ARHGAP42: variants seen among roughly 807,000 people sequenced by gnomAD.
The protein encoded by ARHGAP42 is Rho GTPase activating protein 42.
Under a neutral mutation model 125.0 loss-of-function variants are expected in ARHGAP42, and 63 were observed. The ratio of observed to expected loss-of-function variants is 0.50; its 90% CI spans 0.41 to 0.62. The LOEUF (loss-of-function observed/expected upper bound fraction) is 0.62, where lower values mean the gene tolerates loss of function less well. ARHGAP42 is among the 20% of genes least tolerant of loss of function. The pLI is 0.00. For missense variants in ARHGAP42, 766 were observed against 1,024.2 expected, an observed-to-expected ratio of 0.75 and a Z score of 3.44; for synonymous variants, 339 against 351.0, an observed-to-expected ratio of 0.97 and a Z score of 0.38.
intron 3 of ARHGAP42, among the ~76,000 whole-genome samples, chr11:100,809,115 C>G (rs1259893089): frequency 6.6e-6 from 1 of 152,224 alleles, no homozygotes; most frequent in African/African-American, 2.4e-5. Flanking sequence ...TTATCTTTGC[C>G]TCTCATTTGC....
chr11:100,802,378 C>A (rs1863876414), intron 3 of ARHGAP42, among the ~76,000 whole-genome samples: 1 of 151,766 alleles, frequency 6.6e-6, no homozygotes, highest in Non-Finnish European at 1.5e-5. Context: ...ATAGTGCCTC[C>A]CCTTAAATCC....
intron 1 of ARHGAP42, among the ~76,000 whole-genome samples, chr11:100,754,505 A>C (rs1862529073): frequency 6.6e-6 from 1 of 152,230 alleles, no homozygotes; most frequent in Admixed American, 6.5e-5. Context: ...TACTTGTAGA[A>C]AATAAACTTC....
chr11:100,830,831 T>C (rs1290528806), intron 3 of ARHGAP42, among the ~76,000 whole-genome samples: 1 of 152,114 alleles, frequency 6.6e-6, no homozygotes, highest in Non-Finnish European at 1.5e-5. Context: ...GTCAATAGCC[T>C]GCTTTGAGAA....
chr11:100,694,465 G>A (rs1861241771), intron 1 of ARHGAP42, among the ~76,000 whole-genome samples: 2 of 152,256 alleles, frequency 1.3e-5, no homozygotes, highest in East Asian at 1.9e-4. Flanking sequence ...GATTTCTTGC[G>A]AGAGCTGTGA....
At chr11:100,739,977 G>C (rs955999051) in intron 1 of ARHGAP42, among the ~76,000 whole-genome samples, 1 of 151,832 alleles carries the variant, frequency 6.6e-6, no homozygotes, top group Non-Finnish European at 1.5e-5. Context: ...AAAAAATTTT[G>C]TGTGTGATTT....
intron 12 of ARHGAP42, among the ~76,000 whole-genome samples, chr11:100,956,900 C>T (rs1340128790): frequency 6.6e-6 from 1 of 152,038 alleles, no homozygotes; most frequent in African/African-American, 2.4e-5. Flanking sequence ...ACACTTGTGG[C>T]TGACAGTCCC....
intron 3 of ARHGAP42, among the ~76,000 whole-genome samples, chr11:100,831,789 G>C (rs749498875): frequency 1.3e-5 from 2 of 152,184 alleles, no homozygotes; most frequent in African/African-American, 2.4e-5. Flanking sequence ...AATATACCAA[G>C]AGTTAATTTG....
At chr11:100,859,355 T>G in intron 3 of ARHGAP42, 199 bp from the exon 4 acceptor site, 1 of 439,270 alleles carries the variant, frequency 2.3e-6, no homozygotes, top group Non-Finnish European at 4.0e-6. Flanking sequence ...TTCACATTGT[T>G]GTTAGGATCA....
chr11:100,702,124 A>T (rs2120206796), intron 1 of ARHGAP42, among the ~76,000 whole-genome samples: 1 of 152,280 alleles, frequency 6.6e-6, no homozygotes, highest in South Asian at 2.1e-4. Flanking sequence ...GTCTCAAAAA[A>T]AAAATAATAA....
At chr11:100,888,108 G>A (rs1866136038) in intron 4 of ARHGAP42, among the ~76,000 whole-genome samples, 1 of 152,132 alleles carries the variant, frequency 6.6e-6, no homozygotes, top group South Asian at 2.1e-4. Context: ...CTTCATGGTG[G>A]AAGGCTACAT....
Position 100,974,578 on chromosome 11 carries a change from T to C in ARHGAP42, c.1830T>C (p.Tyr610=), listed in dbSNP as rs1376113843. Residue 610 remains tyrosine (Y), a synonymous_variant, in exon 19 of 24, where the codon TAT becomes TAC. Transcript: ENST00000298815. ...STGSRKPRGR[Y]TPCLAEPDSD... ...GGTCTAGGAAGCCCAGAGGGAGGTA[T>C]ACTCCATGCCTGGCCGAACCTGATA... 1.3e-6 allele frequency: 2 copies of C among 1,550,978 alleles called. No homozygotes were observed. Among genetic ancestry groups the C allele is most frequent in the Admixed American group, 3.9e-5 (2 of 50,978 alleles).
At chr11:100,911,517 A>C (rs1866916723) in intron 4 of ARHGAP42, among the ~76,000 whole-genome samples, 1 of 152,148 alleles carries the variant, frequency 6.6e-6, no homozygotes, top group Admixed American at 6.5e-5. Context: ...ATGAGCATTT[A>C]TGTCAGAGGG....
chr11:100,692,370 T>C (rs1239359375), intron 1 of ARHGAP42, among the ~76,000 whole-genome samples: 1 of 152,194 alleles, frequency 6.6e-6, no homozygotes, highest in Non-Finnish European at 1.5e-5. Flanking sequence ...AAAACAATAT[T>C]GTGAAACCAG....
At position 100,770,365 on chromosome 11, in the gene ARHGAP42, A is replaced by T. The variant is rs1027051371; in HGVS notation, c.177A>T (p.Lys59Asn). Reference sequence around the variant, plus strand: ...CAGATCTGTCTATGGCAGTGCAGAAATTTTCCCAGTCATTGCAAGATTTCC... The same window carrying T: ...CAGATCTGTCTATGGCAGTGCAGAATTTTTCCCAGTCATTGCAAGATTTCC... ...ALRNLSMAVQKFSQSLQDFQF... is the reference protein window; with the variant it reads ...ALRNLSMAVQNFSQSLQDFQF... The change falls in exon 2 of 24, where the codon AAA becomes AAT. Residue 59 changes from lysine (K) to asparagine (N), a missense_variant. Coordinates refer to ENST00000298815, the MANE Select transcript of ARHGAP42 (RefSeq NM_152432.4). 6.5e-7 allele frequency: 1 copy of T among 1,550,016 alleles called. No homozygotes were observed. The highest frequency in any genetic ancestry group is 8.7e-7 in the Non-Finnish European group (1 of 1,146,616).
chr11:100,725,883 C>G lies in ARHGAP42; in HGVS notation c.154+38051C>G, dbSNP rs1027569759. On this transcript the variant is annotated intron_variant, in intron 1 of 23. Transcript: ENST00000298815. ...CCGGGAGGCGGAGCTTGCAATGAGC[C>G]GAGATCGCGCCACTGATCTCCAGCC... Among the ~76,000 whole-genome samples the G allele has an allele frequency of 8.3e-5, 12 of 144,806 alleles. No individual in the cohort carries two copies. In the South Asian group the frequency reaches 2.6e-3, roughly 31 times the overall value. 95.0% of individuals were successfully genotyped at this position (144,806 alleles called of 152,430 possible). A position where few individuals can be genotyped will look rare whatever the true frequency, so the allele number is the denominator to read the frequency against.
intron 4 of ARHGAP42, among the ~76,000 whole-genome samples, chr11:100,878,110 A>G (rs1378363330): frequency 6.6e-6 from 1 of 151,228 alleles, no homozygotes; most frequent in Non-Finnish European, 1.5e-5. Flanking sequence ...ATAAATGCCA[A>G]TTTCCTATTC....
At chr11:100,935,108 G>A (rs1176790653) in intron 7 of ARHGAP42, among the ~76,000 whole-genome samples, 1 of 150,694 alleles carries the variant, frequency 6.6e-6, no homozygotes, top group Non-Finnish European at 1.5e-5. Context: ...TAGTGAAAGT[G>A]ACAAGAAAAT....
intron 2 of ARHGAP42, among the ~76,000 whole-genome samples, chr11:100,786,723 T>A (rs1391835402): frequency 6.6e-6 from 1 of 152,184 alleles, no homozygotes; most frequent in African/African-American, 2.4e-5. Flanking sequence ...TCATCATAAT[T>A]ATGACTAATT....
At chr11:100,882,535 C>A (rs1207271727) in intron 4 of ARHGAP42, among the ~76,000 whole-genome samples, 19 of 149,558 alleles carry the variant, frequency 1.3e-4, no homozygotes, top group Admixed American at 1.3e-3. Flanking sequence ...TATCTATATT[C>A]TTCAGGGATA....
Sources: allele counts gnomAD v4.1 joint callset (sites outside exome capture counted in the v4.1 genomes callset), GRCh38; gene constraint gnomAD v4.1.1; transcripts MANE v1.5; gene names NCBI Gene and HGNC (gene_info 2026-07-23, HGNC 2026-07-21).